FILIP1L: variants seen among roughly 807,000 people sequenced by gnomAD.
The protein encoded by FILIP1L is filamin A-interacting protein 1-like.
In FILIP1L, 55 loss-of-function variants were observed where a neutral mutation model predicts 96.6. The observed-to-expected ratio is 0.57, with a 90% CI of 0.46 to 0.71. The LOEUF is 0.71. Among genes scored for constraint, FILIP1L ranks in the 30% least tolerant of loss-of-function variants. FILIP1L has a pLI of 0.00. For missense variants in FILIP1L, 1,304 were observed against 1,321.2 expected, an observed-to-expected ratio of 0.99 and a Z score of 0.20; for synonymous variants, 467 against 473.9, an observed-to-expected ratio of 0.99 and a Z score of 0.19.
chr3:99,967,478 G>C (rs891499684), intron 1 of FILIP1L, among the ~76,000 whole-genome samples: 12 of 152,180 alleles, frequency 7.9e-5, no homozygotes, highest in African/African-American at 2.9e-4. Context: ...GGTACATAGT[G>C]ATCCAGTGGG....
intron 1 of FILIP1L, among the ~76,000 whole-genome samples, chr3:99,961,889 T>C (rs751620650): frequency 9.1e-6 from 1 of 110,486 alleles, no homozygotes; most frequent in Non-Finnish European, 1.8e-5. Context: ...TAGACACAGC[T>C]AGAAACTAGG....
intron 4 of FILIP1L, among the ~76,000 whole-genome samples, chr3:99,876,549 A>G (rs1705535051): frequency 6.6e-6 from 1 of 152,182 alleles, no homozygotes; most frequent in Admixed American, 6.5e-5. Flanking sequence ...ACTTTTGTAA[A>G]TTCATTATAC....
chr3:99,937,548 C>T (rs995011914), intron 1 of FILIP1L, among the ~76,000 whole-genome samples: 9 of 152,172 alleles, frequency 5.9e-5, no homozygotes, highest in African/African-American at 1.9e-4. Flanking sequence ...TGGCCTTGGG[C>T]GTCAGTGAGC....
chr3:99,937,973 C>A (rs917466455), intron 1 of FILIP1L, among the ~76,000 whole-genome samples: 1 of 152,150 alleles, frequency 6.6e-6, no homozygotes, highest in African/African-American at 2.4e-5. Flanking sequence ...AAGGTGGAGA[C>A]TCTCATAAGA....
intron 1 of FILIP1L, among the ~76,000 whole-genome samples, chr3:100,108,189 C>T (rs2066426229): frequency 6.6e-6 from 1 of 152,066 alleles, no homozygotes; most frequent in Non-Finnish European, 1.5e-5. Flanking sequence ...CCAGGGAATC[C>T]AAAGTTTTGT....
chr3:99,996,322 C>A (rs930385595), intron 1 of FILIP1L, among the ~76,000 whole-genome samples: 5 of 152,180 alleles, frequency 3.3e-5, no homozygotes, highest in African/African-American at 1.2e-4. Flanking sequence ...TTCCTCATTT[C>A]CATCTGAGAC....
chr3:99,909,523 A>G (rs1302916170), intron 4 of FILIP1L, among the ~76,000 whole-genome samples: 1 of 152,226 alleles, frequency 6.6e-6, no homozygotes, highest in African/African-American at 2.4e-5. Flanking sequence ...TCCTGCAGAC[A>G]TAATCATTCA....
intron 1 of FILIP1L, among the ~76,000 whole-genome samples, chr3:100,111,360 G>C (rs1313538943): frequency 6.6e-6 from 1 of 152,138 alleles, no homozygotes; most frequent in Non-Finnish European, 1.5e-5. Context: ...TACTCCATGA[G>C]GCTGTGCGTT....
intron 3 of FILIP1L, among the ~76,000 whole-genome samples, chr3:99,927,145 A>T (rs543308089): frequency 6.6e-6 from 1 of 152,194 alleles, no homozygotes; most frequent in Non-Finnish European, 1.5e-5. Flanking sequence ...GCTTTTTTCA[A>T]TGCCAAGACC....
At chr3:100,091,697 C>T (rs1032959918) in intron 1 of FILIP1L, among the ~76,000 whole-genome samples, 1 of 152,166 alleles carries the variant, frequency 6.6e-6, no homozygotes, top group African/African-American at 2.4e-5. Context: ...CCATCTCTGA[C>T]AAGAATAAAA....
Position 99,849,256 on chromosome 3 carries a change from T to G in FILIP1L, c.2420A>C (p.Asn807Thr). The change falls in exon 5 of 6, where the codon AAT becomes ACT. Residue 807 changes from asparagine (N) to threonine (T), a missense_variant. By Grantham distance (65) the Asn-to-Thr change is moderately conservative. Coordinates refer to ENST00000477258, the MANE Select transcript of FILIP1L (RefSeq NM_001387850.1). ...SKEVQTEAVD[N>T]EPPDYKSLIP... ...GAGGCTCTTGTAATCAGGTGGTTCA[T>G]TGTCTACTGCTTCTGTCTGAACTTC... The G allele has an allele frequency of 6.2e-7, 1 of 1,614,200 alleles. No individual in the cohort carries two copies. Among genetic ancestry groups the G allele is most frequent in the Non-Finnish European group, 8.5e-7 (1 of 1,180,026 alleles).
chr3:100,002,182 G>A (rs1198839272), intron 1 of FILIP1L, among the ~76,000 whole-genome samples: 1 of 152,208 alleles, frequency 6.6e-6, no homozygotes, highest in African/African-American at 2.4e-5. Flanking sequence ...GGAGCTGATG[G>A]TGTTGTACTT....
chr3:99,983,589 T>A (rs1576619750), intron 1 of FILIP1L, among the ~76,000 whole-genome samples: 1 of 141,518 alleles, frequency 7.1e-6, no homozygotes, highest in East Asian at 2.0e-4. Flanking sequence ...ACTTGGGAGG[T>A]TGAGGCAAGA....
chr3:99,977,539 C>T (rs1487720595), intron 1 of FILIP1L, among the ~76,000 whole-genome samples: 1 of 151,908 alleles, frequency 6.6e-6, no homozygotes, highest in African/African-American at 2.4e-5. Flanking sequence ...GGAATGTAAG[C>T]AAGTAATTAC....
At chr3:100,069,850 T>G (rs1018796698) in intron 1 of FILIP1L, among the ~76,000 whole-genome samples, 16 of 152,174 alleles carry the variant, frequency 1.1e-4, no homozygotes, top group African/African-American at 3.9e-4. Flanking sequence ...GGAGCTGATA[T>G]CTACCCTGGA....
intron 4 of FILIP1L, among the ~76,000 whole-genome samples, chr3:99,923,901 C>T (rs116610290): frequency 1.8e-3 from 273 of 152,342 alleles, no homozygotes; most frequent in African/African-American, 4.2e-3. Context: ...TATACTAACA[C>T]ACTTATTTCA....
chr3:99,856,211 C>G (rs192857032), intron 4 of FILIP1L, among the ~76,000 whole-genome samples: 1 of 152,334 alleles, frequency 6.6e-6, no homozygotes, highest in African/African-American at 2.4e-5. Flanking sequence ...GAGGGGTTTC[C>G]AACCCAGGAA....
chr3:99,907,862 A>T (rs1706671124), intron 4 of FILIP1L, among the ~76,000 whole-genome samples: 1 of 152,026 alleles, frequency 6.6e-6, no homozygotes. Context: ...TTTTTCCACC[A>T]CCTGAATGCT....
At chr3:99,972,460 G>A (rs1708851457) in intron 1 of FILIP1L, among the ~76,000 whole-genome samples, 1 of 152,160 alleles carries the variant, frequency 6.6e-6, no homozygotes, top group Non-Finnish European at 1.5e-5. Flanking sequence ...GTAAGTGCTG[G>A]TAATCCATTT....
Sources: allele counts gnomAD v4.1 joint callset (sites outside exome capture counted in the v4.1 genomes callset), GRCh38; gene constraint gnomAD v4.1.1; transcripts MANE v1.5; gene names NCBI Gene and HGNC (gene_info 2026-07-23, HGNC 2026-07-21).